TANC1: variants seen among roughly 807,000 people sequenced by gnomAD.
The protein encoded by TANC1 is protein TANC1.
A neutral mutation model predicts 149.7 loss-of-function variants in TANC1; 77 were observed. The ratio of observed to expected loss-of-function variants is 0.51; its 90% confidence interval spans 0.43 to 0.62. The LOEUF is 0.62. Among genes scored for constraint, TANC1 ranks in the 20% least tolerant of loss-of-function variants. The pLI is 0.00. For synonymous variants in TANC1, 854 were observed against 925.0 expected (o/e 0.92, Z 1.39); for missense variants, 1,985 against 2,321.8 (o/e 0.85, Z 2.98).
chr2:159,176,657 A>G (rs969788813), intron 13 of TANC1, 139 bp downstream of exon 13: 2 of 691,446 alleles, frequency 2.9e-6, no homozygotes, highest in Non-Finnish European at 4.7e-6. Context: ...ACTAGTCCAG[A>G]GAGCCAGACT....
intron 4 of TANC1, among the ~76,000 whole-genome samples, chr2:159,110,826 A>G (rs549688177): frequency 7.2e-5 from 11 of 152,242 alleles, no homozygotes; most frequent in Admixed American, 3.3e-4. Context: ...TCCTCAGTCA[A>G]ATGCCCTCCA....
intron 19 of TANC1, 54 bp downstream of exon 19, chr2:159,199,107 C>T: frequency 7.3e-7 from 1 of 1,371,720 alleles, no homozygotes; most frequent in South Asian, 1.2e-5. Flanking sequence ...ATGTTTTAGC[C>T]CTATTTTGGC....
chr2:159,152,845 C>T (rs984999451), intron 7 of TANC1, among the ~76,000 whole-genome samples: 32 of 152,146 alleles, frequency 2.1e-4, no homozygotes, highest in African/African-American at 7.7e-4. Context: ...CATTGAGATA[C>T]AGTGCCACAA....
chr2:159,161,461 A>G (rs2054039755), intron 7 of TANC1, among the ~76,000 whole-genome samples: 1 of 152,246 alleles, frequency 6.6e-6, no homozygotes, highest in Admixed American at 6.5e-5. Context: ...TTGTAACACC[A>G]CAATCTGTGT....
In TANC1 at chr2:159,075,362, G is replaced by A. The variant is rs533093802; in HGVS notation, c.61+9391G>A. 1.8e-4 allele frequency among the ~76,000 whole-genome samples: 27 copies of A among 150,762 alleles called. No homozygotes were observed. In the East Asian group the frequency reaches 4.1e-3, roughly 23 times the overall value. ...GCGGGAGGATTGCTTGAGCCTAGGC[G>A]TTCAAGACCAGCCTGAGCAACATAG... On this transcript the variant is annotated intron_variant, in intron 3 of 26. Transcript: ENST00000263635.
At chr2:159,104,951 T>G (rs1181801878) in intron 4 of TANC1, among the ~76,000 whole-genome samples, 1 of 128,542 alleles carries the variant, frequency 7.8e-6, no homozygotes, top group Non-Finnish European at 1.8e-5. Flanking sequence ...TATAATTGAT[T>G]TTTAAACATT....
At chr2:158,972,387 T>A (rs1226242949) in intron 1 of TANC1, among the ~76,000 whole-genome samples, 1 of 152,216 alleles carries the variant, frequency 6.6e-6, no homozygotes, top group Admixed American at 6.5e-5. Flanking sequence ...TGGATAAGTC[T>A]GATTTTGCAG....
chr2:159,034,131 G>A (rs1354435333), intron 2 of TANC1, among the ~76,000 whole-genome samples: 1 of 152,190 alleles, frequency 6.6e-6, no homozygotes, highest in Non-Finnish European at 1.5e-5. Context: ...TCTTGGCCCT[G>A]CCTCTACCTG....
intron 2 of TANC1, among the ~76,000 whole-genome samples, chr2:159,052,589 C>T (rs987953501): frequency 6.6e-6 from 1 of 152,184 alleles, no homozygotes; most frequent in Non-Finnish European, 1.5e-5. Flanking sequence ...AAATTACCAT[C>T]TCCATGATAT....
chr2:159,171,871 A>AG (rs1553599447), intron 10 of TANC1, among the ~76,000 whole-genome samples: 11 of 105,602 alleles, frequency 1.0e-4, no homozygotes, highest in African/African-American at 2.3e-4. Context: ...AAAAAAAAAA[A>AG]AAAAGAAAAA....
chr2:159,108,039 G>GC (rs1261696571), intron 4 of TANC1, among the ~76,000 whole-genome samples: 1 of 152,146 alleles, frequency 6.6e-6, no homozygotes, highest in African/African-American at 2.4e-5. Flanking sequence ...GTAAGTAACT[G>GC]TTAAAACCAA....
intron 17 of TANC1, among the ~76,000 whole-genome samples, chr2:159,195,981 GAGT>G (rs776627714): frequency 7.9e-4 from 120 of 152,346 alleles, no homozygotes; most frequent in Non-Finnish European, 7.6e-4. Context: ...GGGCCTTGAG[GAGT>G]AGGTGTGTGG....
At chr2:159,031,829 T>C in intron 2 of TANC1, among the ~76,000 whole-genome samples, 1 of 152,176 alleles carries the variant, frequency 6.6e-6, no homozygotes, top group East Asian at 1.9e-4. Flanking sequence ...TGGGCATGCA[T>C]AACAGTACAG....
At chr2:159,159,717 TGAGAGAGAGAGA>T (rs56101796) in intron 7 of TANC1, among the ~76,000 whole-genome samples, 1,780 of 114,850 alleles carry the variant, frequency 0.015, 22 homozygotes, top group East Asian at 0.056. Flanking sequence ...TGTGTGTGTG[TGAGAGAGAGAGA>T]GAGAGAGAGA....
In TANC1 at chr2:159,230,759, A is replaced by G. The variant is rs2060295981; in HGVS notation, c.5333A>G (p.Tyr1778Cys). ...CCCTCTCTCATGCAAGTGGGAGGAT[A>G]TAATAACCAAGCCAAAACCTGTTCT... ...EKPSLMQVGG[Y>C]NNQAKTCSVS... is the part of the protein sequence containing the mutation. The change falls in exon 27 of 27, where the codon TAT becomes TGT. Residue 1778 changes from tyrosine (Y) to cysteine (C), a missense_variant. Physicochemically the swap from Tyr to Cys is radical, Grantham distance 194 (BLOSUM62 -2). Around this residue, in one of 3 missense-constraint regions of TANC1, gnomAD observed 920 missense variants for 994.7 expected, o/e 0.92. Coordinates refer to ENST00000263635, the MANE Select transcript of TANC1 (RefSeq NM_033394.3). This position sits in a 1 kb window ranked among gnomAD's most constrained non-coding sequence, Gnocchi z 4.4. 6.2e-7 allele frequency: 1 copy of G among 1,614,114 alleles called. No homozygotes were observed. The highest frequency in any genetic ancestry group is 8.5e-7 in the Non-Finnish European group (1 of 1,180,046).
intron 2 of TANC1, among the ~76,000 whole-genome samples, chr2:159,033,243 C>T (rs923878398): frequency 2.6e-5 from 4 of 151,942 alleles, no homozygotes; most frequent in South Asian, 2.1e-4. Flanking sequence ...GGCTTGGTGT[C>T]GGGAGGGTGG....
intron 3 of TANC1, among the ~76,000 whole-genome samples, chr2:159,093,851 A>G (rs540763231): frequency 6.6e-6 from 1 of 151,880 alleles, no homozygotes; most frequent in African/African-American, 2.4e-5. Flanking sequence ...CATGCTTTGG[A>G]AACTCATCTG....
chr2:159,097,378 G>A (rs2046248576), intron 3 of TANC1, among the ~76,000 whole-genome samples: 3 of 152,122 alleles, frequency 2.0e-5, no homozygotes, highest in Admixed American at 6.5e-5. Context: ...GTGGCTTCCT[G>A]GATCCTTTGT....
intron 2 of TANC1, among the ~76,000 whole-genome samples, chr2:159,036,885 T>C (rs1394279781): frequency 6.6e-6 from 1 of 152,250 alleles, no homozygotes; most frequent in African/African-American, 2.4e-5. Flanking sequence ...AGTAATGGGA[T>C]GGCTGGGTCA....
Sources: gnomAD v4.1 joint callset for allele counts (sites outside exome capture counted in the v4.1 genomes callset) on GRCh38, gnomAD v4.1.1 for gene constraint, gnomAD v4.1.1 regional missense constraint, Gnocchi (gnomAD v3.1) non-coding constraint, MANE v1.5 for transcripts, NCBI Gene and HGNC (gene_info 2026-07-23, HGNC 2026-07-21) for gene names.